The following ELAVL2 variants were observed in gnomAD, a reference collection of about 807,000 sequenced individuals.
The protein encoded by ELAVL2 is ELAV like RNA binding protein 2.
A neutral mutation model predicts 34.6 loss-of-function variants in ELAVL2; 4 were observed. The observed-to-expected ratio is 0.12, with a 90% CI of 0.06 to 0.26. The LOEUF is 0.26. Among genes scored for constraint, ELAVL2 ranks in the 10% least tolerant of loss-of-function variants. The pLI is 1.00. For missense variants in ELAVL2, 432 were observed against 442.8 expected (o/e 0.98, Z 0.22); for synonymous variants, 193 against 154.8 (o/e 1.25, Z -1.83).
chr9:23,693,297 A>G (rs1289589098), intron 6 of ELAVL2, 151 bp downstream of exon 6: 14 of 939,480 alleles, frequency 1.5e-5, no homozygotes, highest in Non-Finnish European at 1.6e-5. Flanking sequence ...TCTTGAGTCA[A>G]TTGTGCTTCA....
chr9:23,788,804 A>G (rs995265706), intron 1 of ELAVL2, among the ~76,000 whole-genome samples: 7 of 152,186 alleles, frequency 4.6e-5, no homozygotes, highest in Admixed American at 4.6e-4. Flanking sequence ...CTAAGGGACT[A>G]ACAGCATGGA....
chr9:23,720,891 C>G (rs1244267218), intron 3 of ELAVL2, among the ~76,000 whole-genome samples: 1 of 152,166 alleles, frequency 6.6e-6, no homozygotes, highest in African/African-American at 2.4e-5. Flanking sequence ...TGCAGATAAT[C>G]AGATTCAGTA....
chr9:23,749,299 TAAA>T (rs755047961), intron 2 of ELAVL2, among the ~76,000 whole-genome samples: 43 of 152,142 alleles, frequency 2.8e-4, no homozygotes, highest in Non-Finnish European at 4.4e-5. Context: ...ACAAGTAGGC[TAAA>T]ATTCAAGTGA....
At chr9:23,721,036 G>C (rs1332069689) in intron 3 of ELAVL2, among the ~76,000 whole-genome samples, 7 of 152,088 alleles carry the variant, frequency 4.6e-5, no homozygotes, top group Admixed American at 6.6e-5. Context: ...GGCATATTAG[G>C]GTTTCCTAGA....
rs139247321 is a variant in ELAVL2, at chr9:23,801,265, A to G, written c.-16+24541T>C. On this transcript the variant is annotated intron_variant, in intron 1 of 6. Transcript: ENST00000397312. ...CTCAATATGTTTTAAAATAACATTT[A>G]AAACTTAACTGCTGCTTTATTTCTT... Among the ~76,000 whole-genome samples, 134 of 152,366 alleles carry G rather than the reference A, an allele frequency of 8.8e-4. No homozygotes were observed. The Middle Eastern group carries it at 0.01, about 12-fold the overall frequency.
intron 1 of ELAVL2, among the ~76,000 whole-genome samples, chr9:23,794,216 G>C (rs560109906): frequency 1.3e-5 from 2 of 152,286 alleles, no homozygotes; most frequent in South Asian, 4.1e-4. Flanking sequence ...GTAGGGCAAA[G>C]AAATGACACC....
chr9:23,810,716 G>A (rs1009773514), intron 1 of ELAVL2, among the ~76,000 whole-genome samples: 1 of 152,138 alleles, frequency 6.6e-6, no homozygotes, highest in African/African-American at 2.4e-5. Flanking sequence ...CCACTTGGTT[G>A]TATCCTTGGG....
chr9:23,779,382 C>T, intron 1 of ELAVL2: 1 of 985,390 alleles, frequency 1.0e-6, no homozygotes, highest in Non-Finnish European at 1.2e-6. Context: ...AAGCAACGCC[C>T]TGCCTAAACA....
At chr9:23,734,140 G>C (rs117643710) in intron 2 of ELAVL2, among the ~76,000 whole-genome samples, 1 of 152,236 alleles carries the variant, frequency 6.6e-6, no homozygotes, top group Non-Finnish European at 1.5e-5. Flanking sequence ...ACCTACCATC[G>C]TTGGTGTATT....
chr9:23,811,721 T>G (rs1266653951), intron 1 of ELAVL2, among the ~76,000 whole-genome samples: 1 of 152,174 alleles, frequency 6.6e-6, no homozygotes, highest in Non-Finnish European at 1.5e-5. Flanking sequence ...CTTCATGTAG[T>G]TTGAAACACA....
chr9:23,815,186 A>G (rs1447217464), intron 1 of ELAVL2, among the ~76,000 whole-genome samples: 5 of 152,206 alleles, frequency 3.3e-5, no homozygotes, highest in Non-Finnish European at 7.4e-5. Flanking sequence ...GTTAAATTTA[A>G]AATTTTGATT....
upstream of ELAVL2, among the ~76,000 whole-genome samples, chr9:23,827,376 G>T (rs1465635692): frequency 6.6e-6 from 1 of 152,110 alleles, no homozygotes; most frequent in Non-Finnish European, 1.5e-5. Context: ...CATGATAATT[G>T]TTTCTTCCTC....
chr9:23,754,762 T>C (rs534774519), intron 2 of ELAVL2, among the ~76,000 whole-genome samples: 1 of 152,296 alleles, frequency 6.6e-6, no homozygotes, highest in Admixed American at 6.5e-5. Context: ...TGCGCCTGGC[T>C]GGCATCAAGT....
At chr9:23,799,415 A>G (rs981144073) in intron 1 of ELAVL2, among the ~76,000 whole-genome samples, 3 of 152,186 alleles carry the variant, frequency 2.0e-5, no homozygotes, top group Admixed American at 6.5e-5. Flanking sequence ...CTCAGGGTGA[A>G]ACCTGGACTA....
chr9:23,712,377 C>G (rs908781228), intron 3 of ELAVL2, among the ~76,000 whole-genome samples: 8 of 152,050 alleles, frequency 5.3e-5, no homozygotes, highest in African/African-American at 1.9e-4. Flanking sequence ...AAGAGCTATT[C>G]CTAGAAAATA....
At chr9:23,695,393 G>A (rs2034791723) in intron 5 of ELAVL2, among the ~76,000 whole-genome samples, 1 of 146,396 alleles carries the variant, frequency 6.8e-6, no homozygotes, top group Non-Finnish European at 1.5e-5. Flanking sequence ...GACAGGTCAT[G>A]CTTTGCTACC....
At chr9:23,759,852 T>C (rs1355079523) in intron 2 of ELAVL2, among the ~76,000 whole-genome samples, 1 of 146,886 alleles carries the variant, frequency 6.8e-6, no homozygotes, top group Non-Finnish European at 1.5e-5. Flanking sequence ...ATTGTGGAAT[T>C]TCTTGGGGAC....
At chr9:23,711,602 TG>T (rs1196506088) in intron 3 of ELAVL2, among the ~76,000 whole-genome samples, 1 of 152,194 alleles carries the variant, frequency 6.6e-6, no homozygotes, top group Non-Finnish European at 1.5e-5. Context: ...AGACACCTCA[TG>T]GGTATCACCT....
At chr9:23,738,926 G>C (rs1055938698) in intron 2 of ELAVL2, among the ~76,000 whole-genome samples, 5 of 152,122 alleles carry the variant, frequency 3.3e-5, no homozygotes, top group African/African-American at 1.2e-4. Flanking sequence ...CAGTAATTAT[G>C]AATCTGCTGG....
Sources: gnomAD v4.1 joint callset for allele counts (sites outside exome capture counted in the v4.1 genomes callset) on GRCh38, gnomAD v4.1.1 for gene constraint, MANE v1.5 for transcripts, NCBI Gene and HGNC (gene_info 2026-07-23, HGNC 2026-07-21) for gene names.